Variants in CCDC7 observed in about 807,000 individuals in gnomAD.
CCDC7 encodes the protein coiled-coil domain containing 7.
In CCDC7, 183 loss-of-function variants were observed where a neutral mutation model predicts 196.9. The observed-to-expected ratio is 0.93, with a 90% CI of 0.82 to 1.05. The LOEUF (loss-of-function observed/expected upper bound fraction) is 1.05. CCDC7 is among the 50% of genes least tolerant of loss of function. The pLI is 0.00. For missense variants in CCDC7, 1,540 were observed against 1,482.2 expected (o/e 1.04, Z -0.64); for synonymous variants, 525 against 484.6 (o/e 1.08, Z -1.10).
intron 28 of CCDC7, among the ~76,000 whole-genome samples, chr10:32,770,278 C>T (rs928657498): frequency 2.6e-5 from 4 of 152,112 alleles, no homozygotes; most frequent in Admixed American, 2.6e-4. Context: ...CTTAGCACTG[C>T]TTTTGCTGTA....
chr10:32,800,103 C>T (rs545655340), intron 29 of CCDC7, among the ~76,000 whole-genome samples: 18 of 152,262 alleles, frequency 1.2e-4, no homozygotes, highest in South Asian at 4.1e-4. Context: ...GTTAAGCTTA[C>T]GATAATCCAC....
At chr10:32,470,925 G>A (rs1224582584) in intron 5 of CCDC7, 139 bp from the exon 7 acceptor site, 2 of 737,386 alleles carry the variant, frequency 2.7e-6, no homozygotes, top group Non-Finnish European at 4.0e-6. Context: ...GTAAAATATT[G>A]TATCATTACT....
At chr10:32,796,375 G>GCCTAGT (rs1322009396) in intron 29 of CCDC7, among the ~76,000 whole-genome samples, 4 of 152,130 alleles carry the variant, frequency 2.6e-5, no homozygotes, top group Non-Finnish European at 4.4e-5. Context: ...ACTGTCTTAA[G>GCCTAGT]TCTGTGGGTT....
chr10:32,830,143 C>CATATATATATATATATATATATATATAT (rs2091996967), intron 32 of CCDC7, among the ~76,000 whole-genome samples: 1 of 22,400 alleles, frequency 4.5e-5, no homozygotes. Flanking sequence ...TATATATATC[C>CATATATATATATATATATATATATATAT]TATTAGTTCT....
At chr10:32,553,083 A>G (rs1339879428) in intron 13 of CCDC7, among the ~76,000 whole-genome samples, 1 of 146,910 alleles carries the variant, frequency 6.8e-6, no homozygotes, top group Non-Finnish European at 1.5e-5. Flanking sequence ...CATTTAACAT[A>G]ATCTCAGATT....
intron 30 of CCDC7, among the ~76,000 whole-genome samples, chr10:32,811,344 A>T (rs140713602): frequency 6.6e-6 from 1 of 152,224 alleles, no homozygotes; most frequent in East Asian, 1.9e-4. Context: ...GAATTACAAA[A>T]GATCATCAGA....
Position 32,764,820 on chromosome 10 carries a change from C to T in CCDC7, c.2906-14157C>T, listed in dbSNP as rs1592518980. Among the ~76,000 whole-genome samples the T allele has an allele frequency of 3.3e-5, 5 of 151,210 alleles. No individual in the cohort carries two copies. The South Asian group carries it at 1.0e-3, about 31-fold the overall frequency. Reference sequence around the variant, plus strand: ...GCTACTGAAATGGGAACCTTAAATGCAATAGGAATAATTGGGTCTCAGAGG... The same window carrying T: ...GCTACTGAAATGGGAACCTTAAATGTAATAGGAATAATTGGGTCTCAGAGG... On this transcript the variant is annotated intron_variant, in intron 28 of 41. Coordinates refer to ENST00000639629, the Ensembl canonical transcript of CCDC7.
intron 11 of CCDC7, among the ~76,000 whole-genome samples, chr10:32,523,900 A>G (rs773022359): frequency 4.0e-5 from 6 of 151,756 alleles, no homozygotes; most frequent in Non-Finnish European, 8.8e-5. Context: ...TGTAGGCAAC[A>G]AATTATTGGT....
chr10:32,519,917 A>G (rs2047626066), intron 11 of CCDC7, among the ~76,000 whole-genome samples: 1 of 151,972 alleles, frequency 6.6e-6, no homozygotes, highest in African/African-American at 2.4e-5. Context: ...CTCTATCTCC[A>G]TGAGTTCAAT....
At chr10:32,712,397 C>T (rs2080978957) in intron 25 of CCDC7, among the ~76,000 whole-genome samples, 1 of 152,192 alleles carries the variant, frequency 6.6e-6, no homozygotes, top group Non-Finnish European at 1.5e-5. Context: ...GGATTACACC[C>T]AGGAATTTCA....
chr10:32,770,311 T>C (rs1162452271), intron 28 of CCDC7, among the ~76,000 whole-genome samples: 1 of 152,204 alleles, frequency 6.6e-6, no homozygotes, highest in Non-Finnish European at 1.5e-5. Context: ...TGGTATATTG[T>C]ATCTCCATTT....
At chr10:32,597,395 A>C (rs753162050) in intron 18 of CCDC7, among the ~76,000 whole-genome samples, 26 of 151,824 alleles carry the variant, frequency 1.7e-4, no homozygotes, top group Non-Finnish European at 3.4e-4. Flanking sequence ...ACTTCTCTAC[A>C]CTGTTTATTC....
intron 29 of CCDC7, among the ~76,000 whole-genome samples, chr10:32,794,240 G>A (rs923368921): frequency 3.3e-5 from 5 of 152,120 alleles, no homozygotes; most frequent in Admixed American, 6.5e-5. Flanking sequence ...CTATGTTGCT[G>A]CAAAGGACAT....
chr10:32,558,957 C>A (rs58398220), intron 13 of CCDC7, among the ~76,000 whole-genome samples: 13,413 of 152,260 alleles, frequency 0.088, 862 homozygotes, highest in East Asian at 0.33. Context: ...TCAGGTCACT[C>A]CCGCCCTAAT....
exon 22 of CCDC7, chr10:32,686,072 C>T (rs1307879443): frequency 1.4e-6 from 2 of 1,414,066 alleles, no homozygotes; most frequent in Non-Finnish European, 2.0e-6. Flanking sequence ...ACAGAGCAAC[C>T]ACTCACCAGT....
chr10:32,704,627 C>G (rs1254034213), intron 24 of CCDC7, among the ~76,000 whole-genome samples: 1 of 152,098 alleles, frequency 6.6e-6, no homozygotes, highest in Non-Finnish European at 1.5e-5. Flanking sequence ...CTGAGGCAGG[C>G]AGGCCTCCTT....
chr10:32,608,763 A>G (rs2061792561), intron 18 of CCDC7, among the ~76,000 whole-genome samples: 1 of 151,638 alleles, frequency 6.6e-6, no homozygotes, highest in Non-Finnish European at 1.5e-5. Context: ...CTGGTCTCGA[A>G]CTCCTGGCCT....
chr10:32,487,975 A>G (rs1220959695), intron 8 of CCDC7, among the ~76,000 whole-genome samples: 1 of 152,208 alleles, frequency 6.6e-6, no homozygotes, highest in Non-Finnish European at 1.5e-5. Context: ...TCAGATCTCC[A>G]GCTGCGTGCT....
chr10:32,780,300 A>G (rs1340799957), intron 29 of CCDC7, among the ~76,000 whole-genome samples: 1 of 152,234 alleles, frequency 6.6e-6, no homozygotes, highest in African/African-American at 2.4e-5. Flanking sequence ...AACTTCAACC[A>G]TATGAGGAAA....
Sources: gnomAD v4.1 joint callset for allele counts (sites outside exome capture counted in the v4.1 genomes callset) on GRCh38, gnomAD v4.1.1 for gene constraint, MANE v1.5 for transcripts, NCBI Gene and HGNC (gene_info 2026-07-23, HGNC 2026-07-21) for gene names.